Variants in TAF4B observed in about 807,000 individuals in gnomAD.
The protein encoded by TAF4B is TATA-box binding protein associated factor 4b, also known as transcription initiation factor TFIID subunit 4B.
In TAF4B, 38 loss-of-function variants were observed where a neutral mutation model predicts 86.4. That is an observed-to-expected ratio of 0.44 (90% CI 0.34 to 0.58). TAF4B has a LOEUF of 0.58. Among genes scored for constraint, TAF4B ranks in the 20% least tolerant of loss-of-function variants. The pLI, the probability that TAF4B is intolerant of heterozygous loss-of-function variation, is 0.02. For synonymous variants in TAF4B, 388 were observed against 391.2 expected (o/e 0.99, Z 0.10); for missense variants, 988 against 1,027.6 (o/e 0.96, Z 0.53).
At chr18:26,312,941 G>A (rs1214247276) in intron 9 of TAF4B, among the ~76,000 whole-genome samples, 2 of 152,202 alleles carry the variant, frequency 1.3e-5, no homozygotes, top group African/African-American at 4.8e-5. Context: ...CATATATATA[G>A]TACAACATTC....
chr18:26,322,534 CTG>C (rs1387620467), intron 11 of TAF4B, among the ~76,000 whole-genome samples: 1 of 152,008 alleles, frequency 6.6e-6, no homozygotes, highest in Non-Finnish European at 1.5e-5. Context: ...TGGCATAGGA[CTG>C]TTAATAATAC....
intron 14 of TAF4B, among the ~76,000 whole-genome samples, chr18:26,387,947 G>A (rs1305683508): frequency 6.6e-6 from 1 of 152,152 alleles, no homozygotes; most frequent in Non-Finnish European, 1.5e-5. Context: ...TTTGACCATG[G>A]TGTTTTGGAG....
Position 26,390,906 on chromosome 18 carries a change from TTCAAA to T in TAF4B, c.*896_*900del, listed in dbSNP as rs1978669849. The T allele has an allele frequency of 6.6e-6, 1 of 152,230 alleles. No homozygotes were observed. Among genetic ancestry groups the T allele is most frequent in the Non-Finnish European group, 1.5e-5 (1 of 68,044 alleles). The allele number at this position is 152,230 out of a possible 1,614,324, so 9.4% of individuals were successfully genotyped here. ...CAGAAAGGAGAATGTACCAGATGTT[TTCAAA>T]TTAGAGTATTTCAAAAGGAAAATGT... On this transcript the variant is annotated 3_prime_UTR_variant, in exon 15 of 15. Coordinates refer to ENST00000269142, the MANE Select transcript of TAF4B (RefSeq NM_005640.3).
intron 10 of TAF4B, among the ~76,000 whole-genome samples, chr18:26,318,395 G>T (rs2056932558): frequency 6.6e-6 from 1 of 151,446 alleles, no homozygotes; most frequent in Admixed American, 6.6e-5. Flanking sequence ...AGTGAATGGA[G>T]TTACATATTT....
chr18:26,382,907 C>G (rs1471421841), intron 14 of TAF4B, among the ~76,000 whole-genome samples: 1 of 152,046 alleles, frequency 6.6e-6, no homozygotes, highest in Non-Finnish European at 1.5e-5. Context: ...TAGGCTAGAC[C>G]TGGGGTAAGT....
chr18:26,232,110 T>TGTTTATACAGAGTGCTGATTGGTGC (rs2055680576), intron 1 of TAF4B, among the ~76,000 whole-genome samples: 3 of 152,120 alleles, frequency 2.0e-5, no homozygotes, highest in Non-Finnish European at 4.4e-5. Context: ...CTGATTGGTG[T>TGTTTATACAGAGTGCTGATTGGTGC]GTTTTTACAG....
intron 12 of TAF4B, among the ~76,000 whole-genome samples, chr18:26,331,128 GGGAAGAGCA>G (rs1190158412): frequency 1.3e-5 from 2 of 152,168 alleles, no homozygotes; most frequent in Non-Finnish European, 2.9e-5. Flanking sequence ...CCACTGCACT[GGGAAGAGCA>G]GGAAGGTGGG....
intron 2 of TAF4B, chr18:26,266,986 G>T (rs1159058678): frequency 6.6e-6 from 1 of 152,144 alleles, no homozygotes; most frequent in Non-Finnish European, 1.5e-5. Context: ...TGTAATGACA[G>T]ATTGCATTGT....
chr18:26,243,102 C>G (rs1327312676), intron 1 of TAF4B, among the ~76,000 whole-genome samples: 2 of 152,154 alleles, frequency 1.3e-5, no homozygotes, highest in African/African-American at 2.4e-5. Flanking sequence ...GTGGCGTTCT[C>G]TGTATTTCCT....
intron 14 of TAF4B, among the ~76,000 whole-genome samples, chr18:26,371,065 G>A (rs1317510428): frequency 1.3e-5 from 2 of 151,848 alleles, no homozygotes; most frequent in African/African-American, 2.4e-5. Flanking sequence ...CTAAGATTCA[G>A]ATTTATGTTT....
At chr18:26,374,575 A>G (rs1256690472) in intron 14 of TAF4B, among the ~76,000 whole-genome samples, 1 of 152,346 alleles carries the variant, frequency 6.6e-6, no homozygotes, top group Admixed American at 6.5e-5. Context: ...AAAGTGATCA[A>G]TGAGTGTTGA....
intron 13 of TAF4B, among the ~76,000 whole-genome samples, chr18:26,349,942 C>G (rs1054997379): frequency 6.6e-6 from 1 of 152,096 alleles, no homozygotes. Flanking sequence ...GACAAAGGTG[C>G]CAGGAACATA....
chr18:26,269,731 C>A (rs942909696), intron 3 of TAF4B, among the ~76,000 whole-genome samples: 4 of 152,148 alleles, frequency 2.6e-5, no homozygotes, highest in African/African-American at 9.7e-5. Flanking sequence ...CTCATTTCAT[C>A]CTTGTGACTA....
chr18:26,292,101 T>C (rs2056600613), intron 7 of TAF4B, 145 bp from the exon 8 acceptor site: 1 of 781,518 alleles, frequency 1.3e-6, no homozygotes, highest in Non-Finnish European at 1.9e-6. Flanking sequence ...TAATTTTGCT[T>C]CATACAAATT....
At chr18:26,319,853 G>C (rs1422429451) in intron 10 of TAF4B, among the ~76,000 whole-genome samples, 1 of 152,104 alleles carries the variant, frequency 6.6e-6, no homozygotes, top group African/African-American at 2.4e-5. Context: ...GCCTCCCAAA[G>C]TGCTGGAATT....
Position 26,315,216 on chromosome 18 carries a change from T to C in TAF4B, c.1833-13T>C. The C allele has an allele frequency of 6.3e-7, 1 of 1,578,828 alleles. No individual in the cohort carries two copies. The highest frequency in any genetic ancestry group is 1.4e-5 in the African/African-American group (1 of 72,904). On this transcript the variant is annotated splice_polypyrimidine_tract_variant and intron_variant, in intron 9 of 14. Coordinates refer to ENST00000269142, the MANE Select transcript of TAF4B (RefSeq NM_005640.3). ...ACAACCTAAAATGTATAACTTTTTTTTTTTTCTATTAGAGATGAGGATGAC... is the reference window on the plus strand; with the variant it reads ...ACAACCTAAAATGTATAACTTTTTTCTTTTTCTATTAGAGATGAGGATGAC...
chr18:26,286,389 A>G lies in TAF4B; in HGVS notation c.1480A>G (p.Thr494Ala), dbSNP rs1355039974. The change falls in exon 7 of 15, where the codon ACA becomes GCA. Residue 494 changes from threonine to alanine, a missense_variant. Coordinates refer to ENST00000269142, the MANE Select transcript of TAF4B (RefSeq NM_005640.3). ...VKPVVSSAGTTSDKPVIGTPV... is the reference protein window; with the variant it reads ...VKPVVSSAGTASDKPVIGTPV... ...ACCTGTTGTTTCTTCTGCTGGGACC[A>G]CATCTGACAAGCCTGTTATTGGGAC... 6.2e-7 allele frequency: 1 copy of G among 1,614,218 alleles called. No homozygotes were observed. Among genetic ancestry groups the G allele is most frequent in the East Asian group, 2.2e-5 (1 of 44,888 alleles).
At chr18:26,236,364 G>A (rs1299882976) in intron 1 of TAF4B, among the ~76,000 whole-genome samples, 2 of 152,134 alleles carry the variant, frequency 1.3e-5, no homozygotes, top group East Asian at 1.9e-4. Context: ...AGAAGGCCGC[G>A]CTGGTGACCA....
At chr18:26,229,494 CT>C (rs34261854) in intron 1 of TAF4B, among the ~76,000 whole-genome samples, 51,522 of 129,254 alleles carry the variant, frequency 0.4, 8,704 homozygotes, top group Non-Finnish European at 0.47. Flanking sequence ...TTCTTTCTTT[CT>C]TTTTTTTTTT....
Sources: gnomAD v4.1 joint callset for allele counts (sites outside exome capture counted in the v4.1 genomes callset) on GRCh38, gnomAD v4.1.1 for gene constraint, MANE v1.5 for transcripts, NCBI Gene and HGNC (gene_info 2026-07-23, HGNC 2026-07-21) for gene names.